The following LCOR variants were observed in gnomAD, a reference collection of about 807,000 sequenced individuals.
LCOR encodes the protein ligand-dependent corepressor.
Under a neutral mutation model 64.4 loss-of-function variants are expected in LCOR, and 14 were observed. The observed-to-expected ratio is 0.22, with a 90% CI of 0.14 to 0.34. The LOEUF (loss-of-function observed/expected upper bound fraction) is 0.34, where lower values mean the gene tolerates loss of function less well. Ranked by LOEUF, LCOR falls within the 10% of genes least tolerant of loss-of-function variation. The pLI, the probability that LCOR is intolerant of heterozygous loss-of-function variation, is 1.00. For synonymous variants in LCOR, 643 were observed against 642.5 expected, an observed-to-expected ratio of 1.00 and a Z score of -0.01; for missense variants, 1,686 against 1,765.3, an observed-to-expected ratio of 0.96 and a Z score of 0.80.
intron 2 of LCOR, among the ~76,000 whole-genome samples, chr10:96,867,562 A>G (rs55825107): frequency 0.012 from 1,894 of 152,234 alleles, 20 homozygotes; most frequent in Non-Finnish European, 0.015. Flanking sequence ...ATACCACTAC[A>G]TTCCAGCCTG....
intron 4 of LCOR, among the ~76,000 whole-genome samples, chr10:96,909,945 AAAG>A (rs1846799864): frequency 3.3e-5 from 5 of 152,316 alleles, no homozygotes; most frequent in African/African-American, 7.2e-5. Flanking sequence ...TGAAAAATAA[AAAG>A]AAGAAACAGT....
intron 2 of LCOR, among the ~76,000 whole-genome samples, chr10:96,842,048 TAG>T (rs1476953451): frequency 1.3e-5 from 2 of 152,284 alleles, no homozygotes; most frequent in African/African-American, 2.4e-5. Context: ...CGTGATTTTT[TAG>T]AGTTTTGCAG....
At position 96,864,891 on chromosome 10, in the gene LCOR, A is replaced by G. The variant is rs371537681; in HGVS notation, c.-330+31412A>G. Among the ~76,000 whole-genome samples, 72 of 152,296 alleles carry G rather than the reference A, an allele frequency of 4.7e-4. 1 individual carries two copies. The highest frequency in any genetic ancestry group is 1.5e-3 in the African/African-American group (61 of 41,548). ...TACACCCTATGATGTTCACACAACA[A>G]CACACCTATTGGCATATTTCTCAGA... On this transcript the variant is annotated intron_variant, in intron 2 of 7. Transcript: ENST00000421806.
chr10:96,890,004 C>T (rs767665566), intron 2 of LCOR, among the ~76,000 whole-genome samples: 30 of 152,148 alleles, frequency 2.0e-4, no homozygotes, highest in African/African-American at 3.9e-4. Context: ...AGAGCATCTG[C>T]GCCGTTTTGC....
Position 96,938,147 on chromosome 10 carries a change from G to A in LCOR, c.-183-5966G>A, listed in dbSNP as rs114452660. On this transcript the variant is annotated intron_variant, in intron 4 of 7. Coordinates refer to ENST00000421806, the MANE Select transcript of LCOR (RefSeq NM_001346516.2). ...AATTTTTTAACTGATTTGTAGAGAC[G>A]GGGGTCTCCCTATGTTGCCCAGGCT... 3.3e-3 allele frequency among the ~76,000 whole-genome samples: 501 copies of A among 151,350 alleles called. 3 individuals carry two copies. The highest frequency in any genetic ancestry group is 0.012 in the African/African-American group (482 of 41,186).
intron 4 of LCOR, among the ~76,000 whole-genome samples, chr10:96,917,489 G>A (rs979763828): frequency 2.0e-5 from 3 of 152,186 alleles, no homozygotes; most frequent in Non-Finnish European, 2.9e-5. Flanking sequence ...TTTAGAGATA[G>A]TAGCTAATAC....
chr10:96,925,593 CTTATT>C (rs779394327), intron 4 of LCOR, among the ~76,000 whole-genome samples: 73 of 152,066 alleles, frequency 4.8e-4, no homozygotes, highest in Admixed American at 1.0e-3. Flanking sequence ...TTTGTTTTTA[CTTATT>C]TTATTTTATT....
At position 96,894,480 on chromosome 10, in the gene LCOR, G is replaced by A. The variant is rs559808653; in HGVS notation, c.-329-12785G>A. Among the ~76,000 whole-genome samples the A allele has an allele frequency of 2.6e-4, 39 of 151,804 alleles. No homozygotes were observed. In the Middle Eastern group the frequency reaches 0.01, roughly 40 times the overall value. On this transcript the variant is annotated intron_variant, in intron 2 of 7. Transcript: ENST00000421806. ...TGTTATTGAAAGGCATTGAAAAGGA[G>A]TGTTGAAAAGGTTCACTTTTGGAAG...
At chr10:96,912,599 T>TTCCTTCCTTCCTTC in intron 4 of LCOR, among the ~76,000 whole-genome samples, 1 of 110,752 alleles carries the variant, frequency 9.0e-6, no homozygotes, top group Admixed American at 9.0e-5. Context: ...GATCTTCCTT[T>TTCCTTCCTTCCTTC]CTTCCTTTCT....
intron 7 of LCOR, among the ~76,000 whole-genome samples, chr10:96,977,667 G>T (rs943408376): frequency 7.3e-6 from 1 of 136,948 alleles, no homozygotes; most frequent in Non-Finnish European, 1.5e-5. Context: ...CTCCAAGTTT[G>T]TTTGTTTGTT....
rs558639964 is a variant in LCOR at position 96,989,186 on chromosome 10, C to T, written c.*4052C>T. 2.0e-4 allele frequency: 30 copies of T among 152,270 alleles called. No homozygotes were observed. The highest frequency in any genetic ancestry group is 7.2e-4 in the African/African-American group (30 of 41,548). The allele number at this position is 152,270 out of a possible 1,614,324, so 9.4% of individuals were successfully genotyped here. On this transcript the variant is annotated 3_prime_UTR_variant, in exon 8 of 8. Coordinates refer to ENST00000421806, the MANE Select transcript of LCOR (RefSeq NM_001346516.2). Reference sequence around the variant, plus strand: ...TAGCATTCCATCTTCTTAAAAAAAACCATCACAGTAGCCAAAATGAGGCCA... The same window carrying T: ...TAGCATTCCATCTTCTTAAAAAAAATCATCACAGTAGCCAAAATGAGGCCA...
intron 7 of LCOR, among the ~76,000 whole-genome samples, chr10:96,971,957 G>A (rs776334055): frequency 2.6e-5 from 4 of 151,906 alleles, no homozygotes; most frequent in Non-Finnish European, 5.9e-5. Flanking sequence ...AAACTTGAAC[G>A]TACAGATGAT....
At chr10:96,867,351 C>T (rs780917880) in intron 2 of LCOR, among the ~76,000 whole-genome samples, 2 of 152,158 alleles carry the variant, frequency 1.3e-5, no homozygotes, top group Non-Finnish European at 2.9e-5. Context: ...AACCCCAGTA[C>T]TTTGTCAGGC....
intron 4 of LCOR, among the ~76,000 whole-genome samples, chr10:96,941,166 A>G (rs1351823643): frequency 9.0e-4 from 68 of 75,496 alleles, no homozygotes; most frequent in Middle Eastern, 6.5e-3. Flanking sequence ...CCTCCCGGAC[A>G]GGGCGGCTGG....
intron 2 of LCOR, among the ~76,000 whole-genome samples, chr10:96,875,519 G>C (rs1846149322): frequency 6.6e-6 from 1 of 152,108 alleles, no homozygotes; most frequent in Admixed American, 6.6e-5. Flanking sequence ...AGAGGAAATA[G>C]GATTTTTGAT....
intron 4 of LCOR, among the ~76,000 whole-genome samples, chr10:96,908,925 C>T (rs1846779379): frequency 6.6e-6 from 1 of 151,960 alleles, no homozygotes; most frequent in South Asian, 2.1e-4. Flanking sequence ...CTGTGTTAGC[C>T]AGGATGGTCT....
rs1045414633 is a variant in LCOR, at chr10:96,984,270, A to G, written c.3810A>G (p.Pro1270=). Residue 1270 remains proline (P), a synonymous_variant, in exon 8 of 8, where the codon CCA becomes CCG. Coordinates refer to ENST00000421806, the MANE Select transcript of LCOR (RefSeq NM_001346516.2). Reference sequence around the variant, plus strand: ...GAGAGAATCCTGATCAAGTGGAGCCAGAAGATGGCAGTGATGTCAGCCCCG... The same window carrying G: ...GAGAGAATCCTGATCAAGTGGAGCCGGAAGATGGCAGTGATGTCAGCCCCG... The part of the protein sequence containing the change: ...KFRENPDQVE[P]EDGSDVSPGP... The G allele has an allele frequency of 1.2e-6, 2 of 1,614,214 alleles. No homozygotes were observed. Among genetic ancestry groups the G allele is most frequent in the Non-Finnish European group, 1.7e-6 (2 of 1,180,040 alleles).
chr10:96,849,059 G>T (rs1203587839), intron 2 of LCOR, among the ~76,000 whole-genome samples: 121 of 21,622 alleles, frequency 5.6e-3, no homozygotes, highest in Non-Finnish European at 8.1e-3. Context: ...CTGGCTAATT[G>T]TCTTTTTTTT....
chr10:96,915,583 A>C (rs1484852371), intron 4 of LCOR: 1 of 715,808 alleles, frequency 1.4e-6, no homozygotes, highest in African/African-American at 1.8e-5. Flanking sequence ...TAGAATTTCA[A>C]ACTATACAGT....
Sources: allele counts gnomAD v4.1 joint callset (sites outside exome capture counted in the v4.1 genomes callset), GRCh38; gene constraint gnomAD v4.1.1; transcripts MANE v1.5; gene names NCBI Gene and HGNC (gene_info 2026-07-23, HGNC 2026-07-21).